Variants in FAHD2B observed in about 807,000 individuals in gnomAD.
The protein encoded by FAHD2B is oxaloacetate tautomerase FAHD2B, mitochondrial.
Under a neutral mutation model 33.7 loss-of-function variants are expected in FAHD2B, and 26 were observed. That is an observed-to-expected ratio of 0.77 (90% CI 0.57 to 1.07). The LOEUF is 1.07. Among genes scored for constraint, FAHD2B ranks in the 50% least tolerant of loss-of-function variants. FAHD2B has a pLI of 0.00. For missense variants in FAHD2B, 272 were observed against 388.1 expected (o/e 0.70, Z 2.51); for synonymous variants, 108 against 150.9 (o/e 0.72, Z 2.08).
intron 6 of FAHD2B, among the ~76,000 whole-genome samples, chr2:97,084,673 C>T (rs557596925): frequency 5.9e-5 from 9 of 152,022 alleles, no homozygotes; most frequent in Non-Finnish European, 1.0e-4. Flanking sequence ...TTTGGGAGGG[C>T]AAAACAGGTG....
intron 7 of FAHD2B, 28 bp downstream of exon 7, chr2:97,084,141 G>A (rs764316293): frequency 6.2e-7 from 1 of 1,613,524 alleles, no homozygotes; most frequent in Non-Finnish European, 8.5e-7. Context: ...GGTGGAGCGG[G>A]GCTGGCAGGA....
At chr2:97,092,199 C>T (rs1021899721) in intron 1 of FAHD2B, among the ~76,000 whole-genome samples, 2 of 152,128 alleles carry the variant, frequency 1.3e-5, no homozygotes, top group Non-Finnish European at 2.9e-5. Context: ...TGGGTGGCAG[C>T]CTAGCATGGG....
chr2:97,090,266 A>C lies in FAHD2B; in HGVS notation c.305T>G (p.Val102Gly). The C allele has an allele frequency of 1.2e-6, 2 of 1,613,236 alleles. No individual in the cohort carries two copies. The highest frequency in any genetic ancestry group is 1.7e-6 in the Non-Finnish European group (2 of 1,179,682). ...ACACACCACCTTATCTGGCCATGTG[A>C]CTGGAGCCAGGAAGGTTACCTCCGA... is the stretch of plus-strand genomic sequence containing the variant. The part of the protein sequence containing the change: ...PWSEVTFLAP[V>G]TWPDKVVCVG... The change falls in exon 4 of 9, where the codon GTC (valine) becomes GGC (glycine). Residue 102 changes from valine (V) to glycine (G), a missense_variant. Transcript: ENST00000414820.
downstream of FAHD2B, chr2:97,081,152 G>A: frequency 6.8e-7 from 1 of 1,469,322 alleles, no homozygotes; most frequent in Non-Finnish European, 9.0e-7. Flanking sequence ...CAGGGGCCCT[G>A]GGAGCTGCAG....
chr2:97,087,064 T>G, intron 4 of FAHD2B: 1 of 152,180 alleles, frequency 6.6e-6, no homozygotes, highest in East Asian at 1.9e-4. Context: ...TTTTTTCTTT[T>G]TTTTTGAGAC....
At chr2:97,088,793 A>G (rs1472900125) in intron 4 of FAHD2B, among the ~76,000 whole-genome samples, 1 of 152,052 alleles carries the variant, frequency 6.6e-6, no homozygotes, top group Non-Finnish European at 1.5e-5. Flanking sequence ...ATATCATTCA[A>G]GTTAATTTTC....
chr2:97,079,948 AGCCACCAT>A (rs2031588332), downstream of FAHD2B, among the ~76,000 whole-genome samples: 1 of 152,052 alleles, frequency 6.6e-6, no homozygotes, highest in Non-Finnish European at 1.5e-5. Flanking sequence ...TACAGGTGTG[AGCCACCAT>A]GCCCAGCCAA....
chr2:97,079,303 T>C (rs1036530509), downstream of FAHD2B, among the ~76,000 whole-genome samples: 5 of 152,128 alleles, frequency 3.3e-5, no homozygotes, highest in African/African-American at 1.2e-4. Context: ...TAAGATTGCT[T>C]GGGTGAATGT....
At chr2:97,083,108 G>A (rs999309238), downstream of FAHD2B, 7 of 1,527,836 alleles carry the variant, frequency 4.6e-6, no homozygotes, top group African/African-American at 9.7e-5. Context: ...AGTCCCTGTG[G>A]TGAGCGCACT....
intron 2 of FAHD2B, 50 bp downstream of exon 2, chr2:97,091,813 C>G: frequency 6.7e-7 from 1 of 1,501,606 alleles, no homozygotes; most frequent in South Asian, 1.4e-5. Flanking sequence ...TTTGCCCCAT[C>G]AACCGTTCCC....
intron 3 of FAHD2B, 35 bp downstream of exon 3, chr2:97,091,427 C>T: frequency 6.5e-7 from 1 of 1,535,908 alleles, no homozygotes; most frequent in South Asian, 1.2e-5. Flanking sequence ...GGGACCAGGG[C>T]AGCTGCTTCA....
chr2:97,089,373 G>T (rs911004606), intron 4 of FAHD2B, among the ~76,000 whole-genome samples: 6 of 149,906 alleles, frequency 4.0e-5, no homozygotes, highest in Non-Finnish European at 6.0e-5. Context: ...ACAAAAATTA[G>T]GTGGGCGTGG....
chr2:97,089,815 A>G (rs1427339812), intron 4 of FAHD2B: 1 of 488,884 alleles, frequency 2.0e-6, no homozygotes, highest in African/African-American at 1.9e-5. Context: ...CTGGGAAGGT[A>G]GACAGAAAAA....
chr2:97,092,961 A>T (rs1416656147), intron 1 of FAHD2B, among the ~76,000 whole-genome samples: 1 of 123,274 alleles, frequency 8.1e-6, no homozygotes, highest in Non-Finnish European at 1.6e-5. Flanking sequence ...CAACAGAGCG[A>T]CTCCAAAAAA....
At chr2:97,084,542 A>G (rs540962995) in intron 6 of FAHD2B, among the ~76,000 whole-genome samples, 9 of 151,994 alleles carry the variant, frequency 5.9e-5, no homozygotes, top group Admixed American at 3.9e-4. Flanking sequence ...GAAGAGAAAA[A>G]TGGCTAGGGT....
intron 4 of FAHD2B, among the ~76,000 whole-genome samples, chr2:97,087,237 G>A (rs1479965865): frequency 1.3e-5 from 2 of 151,904 alleles, no homozygotes; most frequent in Admixed American, 6.6e-5. Context: ...ATTTTTAGTA[G>A]AGATGGGGTT....
At chr2:97,087,758 T>C (rs1309339679) in intron 4 of FAHD2B, among the ~76,000 whole-genome samples, 6 of 152,082 alleles carry the variant, frequency 3.9e-5, no homozygotes, top group Non-Finnish European at 8.8e-5. Flanking sequence ...TAAGGATGAC[T>C]ACAGGATCCT....
At chr2:97,087,991 C>T (rs1387416725) in intron 4 of FAHD2B, among the ~76,000 whole-genome samples, 2 of 151,132 alleles carry the variant, frequency 1.3e-5, no homozygotes, top group Non-Finnish European at 3.0e-5. Context: ...AAAATGCTTA[C>T]CCTGACACTA....
chr2:97,091,829 A>G, intron 2 of FAHD2B, 34 bp downstream of exon 2: 1 of 1,453,424 alleles, frequency 6.9e-7, no homozygotes, highest in Middle Eastern at 1.8e-4. Context: ...TTCCCTGCAT[A>G]CCACACGGGA....
Sources: gnomAD v4.1 joint callset for allele counts (sites outside exome capture counted in the v4.1 genomes callset) on GRCh38, gnomAD v4.1.1 for gene constraint, MANE v1.5 for transcripts, NCBI Gene and HGNC (gene_info 2026-07-23, HGNC 2026-07-21) for gene names.